Variants in GPHN observed in about 807,000 individuals in gnomAD.
GPHN encodes gephyrin.
In GPHN, 17 loss-of-function variants were observed where a neutral mutation model predicts 95.5. That is an observed-to-expected ratio of 0.18 (90% CI 0.12 to 0.27). The LOEUF is 0.27. Ranked by LOEUF, GPHN falls within the 10% of genes least tolerant of loss-of-function variation. GPHN has a pLI of 1.00. For missense variants in GPHN, 660 were observed against 978.1 expected (o/e 0.67, Z 4.34); for synonymous variants, 320 against 322.5 (o/e 0.99, Z 0.08).
chr14:67,539,012 ACT>A, the GPHN span, among the ~76,000 whole-genome samples: 1 of 151,340 alleles, frequency 6.6e-6, no homozygotes, highest in Admixed American at 6.6e-5. Flanking sequence ...TATTAATCAA[ACT>A]CTTTCAACTA....
In GPHN at chr14:67,179,621, G is replaced by A. The variant is rs867353439; in HGVS notation, c.2123G>A (p.Arg708Gln). ...VKLDPRPEYH[R>Q]CILTWHHQEP... is the part of the protein sequence containing the mutation. ...CTTGATCCTCGTCCAGAATACCATC[G>A]GTGTATACTAACTTGGCATCACCAA... Residue 708 changes from arginine to glutamine, a missense_variant, in exon 22 of 23, where the codon CGG becomes CAG. Physicochemically the swap from Arg to Gln is conservative, Grantham distance 43. This residue lies in a region of GPHN where 48 missense variants were observed against 137.4 expected (regional missense o/e 0.35). Coordinates refer to ENST00000478722, the MANE Select transcript of GPHN (RefSeq NM_020806.5). 15 of 1,608,900 alleles carry A rather than the reference G, an allele frequency of 9.3e-6. No homozygotes were observed. Among genetic ancestry groups the A allele is most frequent in the South Asian group, 3.3e-5 (3 of 90,970 alleles).
chr14:66,704,405 A>G (rs182203484), intron 2 of GPHN, among the ~76,000 whole-genome samples: 102 of 152,298 alleles, frequency 6.7e-4, no homozygotes, highest in African/African-American at 2.3e-3. Flanking sequence ...AATCAGCCAC[A>G]TAATTGGAAG....
chr14:67,165,322 C>G (rs920465510), intron 20 of GPHN, 96 bp downstream of exon 20: 3 of 780,884 alleles, frequency 3.8e-6, no homozygotes, highest in Non-Finnish European at 6.8e-6. Context: ...ATCTGAAAGA[C>G]CTGGGCTCAA....
chr14:67,204,821 T>C, the GPHN span: 1 of 1,614,028 alleles, frequency 6.2e-7, no homozygotes, highest in Non-Finnish European at 8.5e-7. Flanking sequence ...ACAGCCATCC[T>C]GACCCCGTAC....
chr14:67,065,677 T>C (rs1351610658), intron 11 of GPHN, among the ~76,000 whole-genome samples: 2 of 152,142 alleles, frequency 1.3e-5, no homozygotes, highest in African/African-American at 4.8e-5. Flanking sequence ...CCTTTACCAT[T>C]ATATAATGGC....
the GPHN span, chr14:67,650,823 T>G: frequency 6.2e-7 from 1 of 1,614,188 alleles, no homozygotes; most frequent in Non-Finnish European, 8.5e-7. Context: ...GCTTCAAGCT[T>G]TGGTCAGACA....
intron 3 of GPHN, among the ~76,000 whole-genome samples, chr14:66,797,166 C>A (rs1168514616): frequency 6.6e-6 from 1 of 150,416 alleles, no homozygotes; most frequent in Non-Finnish European, 1.5e-5. Context: ...TTTCTGGGTT[C>A]TCTATTCTGT....
At chr14:67,503,867 T>A in the GPHN span, among the ~76,000 whole-genome samples, 4 of 150,958 alleles carry the variant, frequency 2.6e-5, no homozygotes, top group Admixed American at 6.6e-5. Context: ...CCATGCCTGG[T>A]TAATTTTTGT....
chr14:67,266,362 G>T, the GPHN span, among the ~76,000 whole-genome samples: 1 of 152,112 alleles, frequency 6.6e-6, no homozygotes, highest in South Asian at 2.1e-4. Flanking sequence ...GTCTCACTCT[G>T]TTGCCCAGTC....
chr14:67,039,518 G>T (rs2074592118), intron 10 of GPHN, among the ~76,000 whole-genome samples: 1 of 152,204 alleles, frequency 6.6e-6, no homozygotes, highest in Non-Finnish European at 1.5e-5. Flanking sequence ...CCCAGGCCAG[G>T]TGCAGTGGCT....
chr14:67,443,827 G>A, the GPHN span, among the ~76,000 whole-genome samples: 18 of 152,098 alleles, frequency 1.2e-4, 1 homozygote, highest in Middle Eastern at 6.3e-3. Context: ...TAAGCCTCTC[G>A]TCCTGGATGG....
At chr14:67,663,043 G>A in the GPHN span, 1 of 1,427,698 alleles carries the variant, frequency 7.0e-7, no homozygotes, top group Non-Finnish European at 9.1e-7. Context: ...CTTGCTGAGA[G>A]GCTGTCTGGT....
chr14:67,443,926 A>G, the GPHN span, among the ~76,000 whole-genome samples: 1 of 152,198 alleles, frequency 6.6e-6, no homozygotes, highest in East Asian at 1.9e-4. Context: ...TCAAGCTGGG[A>G]ACTGCTCAGG....
At chr14:67,265,811 C>G in the GPHN span, among the ~76,000 whole-genome samples, 1 of 144,116 alleles carries the variant, frequency 6.9e-6, no homozygotes, top group East Asian at 2.1e-4. Flanking sequence ...GAGCCAAAAT[C>G]GCGCCACTGC....
intron 2 of GPHN, among the ~76,000 whole-genome samples, chr14:66,739,992 G>A (rs10143077): frequency 0.25 from 38,343 of 152,024 alleles, 9,739 homozygotes; most frequent in African/African-American, 0.62. Context: ...ATCACATGGA[G>A]TATAACAGCA....
At chr14:67,179,956 G>T (rs1488386677) in intron 22 of GPHN, among the ~76,000 whole-genome samples, 1 of 152,158 alleles carries the variant, frequency 6.6e-6, no homozygotes, top group Non-Finnish European at 1.5e-5. Context: ...CAGAAGATTT[G>T]ATATGTTTGT....
chr14:66,550,713 G>A (rs2059777984), intron 1 of GPHN, among the ~76,000 whole-genome samples: 1 of 152,170 alleles, frequency 6.6e-6, no homozygotes, highest in Admixed American at 6.5e-5. Context: ...AATTGCCACA[G>A]CCACCCCAAC....
At position 66,872,971 on chromosome 14, in the gene GPHN, A is replaced by G. The variant is rs1246725829; in HGVS notation, c.295-6968A>G. ...CCTTCACATCATTAATTTTTTATTTAAAAAAGACGGTTGGGCAAGATGGCC... is the reference window on the plus strand; with the variant it reads ...CCTTCACATCATTAATTTTTTATTTGAAAAAGACGGTTGGGCAAGATGGCC... On this transcript the variant is annotated intron_variant, in intron 4 of 22. Coordinates refer to ENST00000478722, the MANE Select transcript of GPHN (RefSeq NM_020806.5). Among the ~76,000 whole-genome samples the G allele has an allele frequency of 2.0e-5, 3 of 152,054 alleles. No individual in the cohort carries two copies. In the East Asian group the frequency reaches 5.8e-4, roughly 29 times the overall value.
intron 11 of GPHN, among the ~76,000 whole-genome samples, chr14:67,083,806 G>C (rs981244737): frequency 6.6e-6 from 1 of 152,082 alleles, no homozygotes; most frequent in Non-Finnish European, 1.5e-5. Flanking sequence ...ACATGACTTG[G>C]CTAGAGAGGG....
Sources: allele counts gnomAD v4.1 joint callset (sites outside exome capture counted in the v4.1 genomes callset), GRCh38; gene constraint gnomAD v4.1.1; regional missense constraint gnomAD v4.1.1; transcripts MANE v1.5; gene names NCBI Gene and HGNC (gene_info 2026-07-23, HGNC 2026-07-21).